The following COPG1 variants were observed in gnomAD, a reference collection of about 807,000 sequenced individuals.
COPG1 encodes coatomer subunit gamma-1.
A neutral mutation model predicts 102.8 loss-of-function variants in COPG1; 29 were observed. The ratio of observed to expected loss-of-function variants is 0.28; its 90% CI spans 0.21 to 0.38. COPG1 has a LOEUF of 0.38. Among genes scored for constraint, COPG1 ranks in the 10% least tolerant of loss-of-function variants. The probability of loss-of-function intolerance (pLI) is 1.00; values close to 1 mark genes in which losing one functional copy is unlikely to be tolerated. For synonymous variants in COPG1, 406 were observed against 421.6 expected, an observed-to-expected ratio of 0.96 and a Z score of 0.45; for missense variants, 875 against 1,132.7, an observed-to-expected ratio of 0.77 and a Z score of 3.27.
chr3:129,255,925 G>A, intron 7 of COPG1, 143 bp from the exon 8 acceptor site: 1 of 624,180 alleles, frequency 1.6e-6, no homozygotes, highest in Non-Finnish European at 2.8e-6. Context: ...GAGGGTGGGA[G>A]CATCCTGAGT....
chr3:129,254,337 G>A (rs909087859), intron 5 of COPG1: 3 of 239,222 alleles, frequency 1.3e-5, no homozygotes, highest in Non-Finnish European at 1.6e-5. Context: ...GAGGGGTGAG[G>A]AATGCTACAG....
rs112474062 is a variant in COPG1 at position 129,264,821 on chromosome 3, GT to G, written c.1225-715del. On this transcript the variant is annotated intron_variant, in intron 13 of 23. Transcript: ENST00000314797. ...TGGAGACACTGTATGCATGATAGCA[GT>G]TTTTTTTTTTTTCTGTTGAGTAGGA... Among the ~76,000 whole-genome samples, 27 of 145,044 alleles carry G rather than the reference GT, an allele frequency of 1.9e-4. No homozygotes were observed. In the East Asian group the frequency reaches 2.8e-3, roughly 15 times the overall value.
chr3:129,252,749 G>A, intron 4 of COPG1, 55 bp downstream of exon 4: 1 of 1,575,180 alleles, frequency 6.3e-7, no homozygotes, highest in South Asian at 1.1e-5. Flanking sequence ...CAAGGTGGTG[G>A]GAGGGCCAAA....
intron 1 of COPG1, 68 bp from the exon 2 acceptor site, chr3:129,250,614 T>A (rs1939674034): frequency 3.1e-6 from 4 of 1,272,434 alleles, no homozygotes; most frequent in Middle Eastern, 1.9e-4. Flanking sequence ...ATCTTCCCTT[T>A]ACCTATGTCT....
At chr3:129,259,364 G>A (rs1939876501) in intron 10 of COPG1, among the ~76,000 whole-genome samples, 1 of 151,752 alleles carries the variant, frequency 6.6e-6, no homozygotes, top group African/African-American at 2.4e-5. Flanking sequence ...ATGAGGCTGA[G>A]GCAGGAGAAT....
intron 6 of COPG1, 37 bp from the exon 7 acceptor site, chr3:129,254,948 A>T (rs569877568): frequency 6.4e-7 from 1 of 1,557,492 alleles, no homozygotes; most frequent in South Asian, 1.1e-5. Flanking sequence ...CCAAGGACTG[A>T]CTGGATCTCC....
intron 10 of COPG1, among the ~76,000 whole-genome samples, chr3:129,259,306 C>T (rs886625436): frequency 2.0e-5 from 3 of 151,836 alleles, no homozygotes; most frequent in African/African-American, 7.3e-5. Context: ...ACTAAAAATA[C>T]AAAAATTAGC....
chr3:129,270,184 A>T (rs576607473), intron 18 of COPG1, among the ~76,000 whole-genome samples: 1 of 151,822 alleles, frequency 6.6e-6, no homozygotes, highest in East Asian at 2.0e-4. Context: ...CCCTTTTACC[A>T]TGCAAGGTAA....
chr3:129,269,884 T>A (rs949375376), intron 18 of COPG1, among the ~76,000 whole-genome samples: 1 of 151,632 alleles, frequency 6.6e-6, no homozygotes, highest in Non-Finnish European at 1.5e-5. Flanking sequence ...TTTCATTTGT[T>A]AGCAGTGCTG....
At position 129,256,081 on chromosome 3, in the gene COPG1, G is replaced by A; in HGVS notation, c.506G>A (p.Cys169Tyr). The A allele has an allele frequency of 6.2e-7, 1 of 1,613,824 alleles. No homozygotes were observed. The highest frequency in any genetic ancestry group is 1.1e-5 in the South Asian group (1 of 91,072). ...TGTTGCCCACAGCACCTGCTGAAGTGCAGCTTTGACGTGGTCAAGCGCTGG... is the reference window on the plus strand; with the variant it reads ...TGTTGCCCACAGCACCTGCTGAAGTACAGCTTTGACGTGGTCAAGCGCTGG... ...ALVSSLHLLK[C>Y]SFDVVKRWVN... The change falls in exon 8 of 24, where the codon TGC (cysteine) becomes TAC (tyrosine). Residue 169 changes from cysteine (C) to tyrosine (Y), a missense_variant. Cys to Tyr is a radical substitution (Grantham distance 194). Transcript: ENST00000314797.
At chr3:129,253,905 C>G (rs1939747727) in intron 5 of COPG1, among the ~76,000 whole-genome samples, 1 of 150,846 alleles carries the variant, frequency 6.6e-6, no homozygotes, top group Non-Finnish European at 1.5e-5. Context: ...GAGGCTGAGG[C>G]AGGAGAATTG....
At chr3:129,265,422 A>C in intron 13 of COPG1, 127 bp from the exon 14 acceptor site, 2 of 1,115,404 alleles carry the variant, frequency 1.8e-6, no homozygotes, top group Non-Finnish European at 2.6e-6. Context: ...AGAGTGATAG[A>C]GGCCCAGAGA....
intron 8 of COPG1, 70 bp from the exon 9 acceptor site, chr3:129,257,400 C>T (rs1417389708): frequency 1.3e-6 from 2 of 1,564,282 alleles, no homozygotes; most frequent in African/African-American, 1.4e-5. Context: ...GAAGGACCCA[C>T]CCAGGGCCAC....
rs535805617 is a variant in COPG1, at chr3:129,264,898, T to C, written c.1225-651T>C. On this transcript the variant is annotated intron_variant, in intron 13 of 23. Coordinates refer to ENST00000314797, the MANE Select transcript of COPG1 (RefSeq NM_016128.4). Reference sequence around the variant, plus strand: ...GTGCAGTGGTGAGGTCTTGGCTCACTGCAACCTCCACCTCCTGGGTTCAAG... The same window carrying C: ...GTGCAGTGGTGAGGTCTTGGCTCACCGCAACCTCCACCTCCTGGGTTCAAG... Among the ~76,000 whole-genome samples the C allele has an allele frequency of 6.6e-5, 10 of 151,958 alleles. No homozygotes were observed. The South Asian group carries it at 2.1e-3, about 32-fold the overall frequency.
intron 1 of COPG1, 107 bp from the exon 2 acceptor site, chr3:129,250,575 G>A: frequency 1.1e-6 from 1 of 887,928 alleles, no homozygotes; most frequent in Non-Finnish European, 1.8e-6. Flanking sequence ...TGAGGAGTTT[G>A]AACTTTACTA....
rs4927952 is a variant in COPG1 at position 129,257,820 on chromosome 3, G to A, written c.831G>A (p.Leu277=). The A allele has an allele frequency of 2.6e-3, 4,166 of 1,614,010 alleles. 17 individuals are homozygous for A. Among genetic ancestry groups the A allele is most frequent in the African/African-American group, 0.015 (1,109 of 75,058 alleles). ...AAGCCGCCTCGGCCATCGTCAATCT[G>A]CCAGGCTGCAGTGCCAAAGAGCTGG... ...VYEAASAIVN[L]PGCSAKELAP... is the part of the protein sequence containing the mutation. Residue 277 remains leucine (L), a synonymous_variant, in exon 10 of 24, where the codon CTG becomes CTA. Transcript: ENST00000314797.
intron 12 of COPG1, among the ~76,000 whole-genome samples, chr3:129,262,406 C>T (rs1242657338): frequency 2.0e-5 from 3 of 152,000 alleles, no homozygotes; most frequent in African/African-American, 4.8e-5. Context: ...GCACCCGCCA[C>T]CATGCCCAGC....
chr3:129,252,746 G>T, intron 4 of COPG1, 52 bp downstream of exon 4: 1 of 1,575,706 alleles, frequency 6.3e-7, no homozygotes, highest in South Asian at 1.1e-5. Flanking sequence ...TAACAAGGTG[G>T]TGGGAGGGCC....
Position 129,257,470 on chromosome 3 carries a change from T to C in COPG1, c.580T>C (p.Tyr194His). Residue 194 changes from tyrosine (Y) to histidine (H), a missense_variant and splice_region_variant, in exon 9 of 24, where the codon TAC becomes CAC. By Grantham distance (83) the Tyr-to-His change is moderately conservative. Transcript: ENST00000314797. ...TCTGTTGCTGTCTCCTGTCCTATAG[T>C]ACCACGCACTAGGGCTCCTGTACCA... is the stretch of plus-strand genomic sequence containing the variant. ...AASSDNIMVQ[Y>H]HALGLLYHVR... The C allele has an allele frequency of 6.2e-7, 1 of 1,614,166 alleles. No homozygotes were observed. Among genetic ancestry groups the C allele is most frequent in the Non-Finnish European group, 8.5e-7 (1 of 1,180,010 alleles).
Sources: gnomAD v4.1 joint callset for allele counts (sites outside exome capture counted in the v4.1 genomes callset) on GRCh38, gnomAD v4.1.1 for gene constraint, MANE v1.5 for transcripts, NCBI Gene and HGNC (gene_info 2026-07-23, HGNC 2026-07-21) for gene names.